Variants in WNT5B observed in about 807,000 individuals in gnomAD.
WNT5B encodes the protein Wnt family member 5B, also known as protein Wnt-5b.
In WNT5B, 18 loss-of-function variants were observed where a neutral mutation model predicts 36.5. The observed-to-expected ratio is 0.49, with a 90% CI of 0.34 to 0.73. The LOEUF (loss-of-function observed/expected upper bound fraction) is 0.73, where lower values mean the gene tolerates loss of function less well. Among genes scored for constraint, WNT5B ranks in the 30% least tolerant of loss-of-function variants. The probability of loss-of-function intolerance (pLI) is 0.01; values close to 1 mark genes in which losing one functional copy is unlikely to be tolerated. For missense variants in WNT5B, 424 were observed against 508.4 expected (o/e 0.83, Z 1.60); for synonymous variants, 213 against 212.3 (o/e 1.00, Z -0.03).
upstream of WNT5B, among the ~76,000 whole-genome samples, chr12:1,627,389 A>G (rs1009018080): frequency 3.9e-5 from 6 of 152,164 alleles, no homozygotes; most frequent in East Asian, 5.8e-4. The surrounding 1 kb of genome is among the most constrained non-coding windows in gnomAD (Gnocchi z 5.0). Context: ...AGTTCTAGAT[A>G]TCAGTGGGTT....
intron 1 of WNT5B, among the ~76,000 whole-genome samples, chr12:1,623,433 G>T (rs1201453894): frequency 3.3e-5 from 5 of 151,848 alleles, no homozygotes; most frequent in Admixed American, 3.3e-4. Flanking sequence ...CTGACCTCGT[G>T]ATCCGCCCGC....
chr12:1,622,190 A>G (rs1440649452), intron 1 of WNT5B, among the ~76,000 whole-genome samples: 1 of 145,194 alleles, frequency 6.9e-6, no homozygotes, highest in Non-Finnish European at 1.5e-5. Context: ...GGCTCACTGC[A>G]AGCTCCGCTT....
upstream of WNT5B, among the ~76,000 whole-genome samples, chr12:1,626,627 C>T (rs28969454): frequency 0.077 from 11,520 of 150,430 alleles, 550 homozygotes; most frequent in Middle Eastern, 0.24. Flanking sequence ...TGCAGTGGCA[C>T]GATCTTGACC....
intron 4 of WNT5B, chr12:1,645,008 A>G (rs1410468511): frequency 1.3e-5 from 2 of 152,126 alleles, no homozygotes; most frequent in Non-Finnish European, 2.9e-5. Context: ...TTGCTCACAA[A>G]TGGATGGTGT....
chr12:1,625,976 TCTC>T (rs1252585929), upstream of WNT5B, among the ~76,000 whole-genome samples: 1 of 137,670 alleles, frequency 7.3e-6, no homozygotes, highest in African/African-American at 2.9e-5. Flanking sequence ...TTTTTTTCTC[TCTC>T]TTTTTTTTTT....
At chr12:1,622,760 G>A (rs912415111) in intron 1 of WNT5B, among the ~76,000 whole-genome samples, 2 of 152,214 alleles carry the variant, frequency 1.3e-5, no homozygotes, top group Non-Finnish European at 2.9e-5. Flanking sequence ...AAATAAGACC[G>A]TTTCCAGAGC....
At chr12:1,628,380 A>G (rs1186968166), upstream of WNT5B, among the ~76,000 whole-genome samples, 1 of 151,904 alleles carries the variant, frequency 6.6e-6, no homozygotes, top group Non-Finnish European at 1.5e-5. Flanking sequence ...CTGGTCTCGA[A>G]CTCCTGACCT....
chr12:1,619,149 C>T (rs956170437), intron 1 of WNT5B, among the ~76,000 whole-genome samples: 6 of 118,470 alleles, frequency 5.1e-5, no homozygotes, highest in Non-Finnish European at 9.8e-5. Flanking sequence ...ACCCCTAAGA[C>T]ATTTCTTCTC....
chr12:1,623,183 TGTTG>T (rs1473814876), intron 1 of WNT5B, among the ~76,000 whole-genome samples: 14 of 132,650 alleles, frequency 1.1e-4, no homozygotes, highest in African/African-American at 4.0e-4. Flanking sequence ...AAGGGTTTTT[TGTTG>T]TTTTTTTTTT....
intron 1 of WNT5B, among the ~76,000 whole-genome samples, chr12:1,624,091 G>A (rs188898715): frequency 1.3e-3 from 197 of 152,194 alleles, no homozygotes; most frequent in African/African-American, 4.5e-3. Context: ...ATGGTGCAAC[G>A]AAGAAAAGAA....
In WNT5B at chr12:1,632,864, C is replaced by T; in HGVS notation, c.287C>T (p.Thr96Ile). Reference protein sequence around the residue: ...QFRQRRWNCSTADNASVFGRV... With the variant: ...QFRQRRWNCSIADNASVFGRV... ...CGGCAGCGGCGGTGGAATTGCAGCACAGCGGACAACGCATCTGTCTTTGGG... is the reference window on the plus strand; with the variant it reads ...CGGCAGCGGCGGTGGAATTGCAGCATAGCGGACAACGCATCTGTCTTTGGG... The change falls in exon 3 of 5, where the codon ACA (threonine) becomes ATA (isoleucine). Residue 96 changes from threonine (T) to isoleucine (I), a missense_variant. By Grantham distance (89) the Thr-to-Ile change is moderately conservative (BLOSUM62 -1). Coordinates refer to ENST00000397196, the MANE Select transcript of WNT5B (RefSeq NM_032642.3). The surrounding 1 kb of genome is among the most constrained non-coding windows in gnomAD (Gnocchi z 5.8). 6.2e-7 allele frequency: 1 copy of T among 1,614,022 alleles called. No individual in the cohort carries two copies. The highest frequency in any genetic ancestry group is 8.5e-7 in the Non-Finnish European group (1 of 1,179,902).
rs2094548504 is a variant in WNT5B, at chr12:1,630,502, C to A, written c.-57-796C>A. 1.3e-5 allele frequency among the ~76,000 whole-genome samples: 2 copies of A among 152,138 alleles called. No homozygotes were observed. The highest frequency in any genetic ancestry group is 6.5e-5 in the Admixed American group (1 of 15,276). On this transcript the variant is annotated intron_variant, in intron 1 of 4. Coordinates refer to ENST00000397196, the MANE Select transcript of WNT5B (RefSeq NM_032642.3). This position sits in a 1 kb window ranked among gnomAD's most constrained non-coding sequence, Gnocchi z 5.3. ...CTGGAAGATGCGTCCTCAGCTCAGG[C>A]ATTTGATGCCAGAGCTGCCGCCTGG...
chr12:1,626,003 G>T (rs1470461374), upstream of WNT5B, among the ~76,000 whole-genome samples: 1 of 144,450 alleles, frequency 6.9e-6, no homozygotes, highest in East Asian at 2.0e-4. Flanking sequence ...TTTTGAGGCA[G>T]GGTCTCAATC....
chr12:1,644,230 A>T lies in WNT5B; in HGVS notation c.622-1564A>T, dbSNP rs2094581162. The stretch of plus-strand genomic sequence containing the variant: ...AGGCCCCATCTTTGAAGTGTCTGTC[A>T]GGATGGGGTGTCAGTTCCTTTATGT... On this transcript the variant is annotated intron_variant, in intron 4 of 4. Transcript: ENST00000397196. The surrounding 1 kb of genome is among the most constrained non-coding windows in gnomAD (Gnocchi z 5.1). Among the ~76,000 whole-genome samples the T allele has an allele frequency of 6.6e-6, 1 of 152,212 alleles. No individual in the cohort carries two copies. The highest frequency in any genetic ancestry group is 1.5e-5 in the Non-Finnish European group (1 of 68,030).
intron 4 of WNT5B, among the ~76,000 whole-genome samples, chr12:1,640,476 C>G (rs988616304): frequency 1.7e-4 from 26 of 152,252 alleles, no homozygotes; most frequent in African/African-American, 6.3e-4. Flanking sequence ...TAATGACAAA[C>G]ACACTTCTGA....
intron 3 of WNT5B, 107 bp from the exon 4 acceptor site, chr12:1,639,577 G>A (rs752649169): frequency 2.9e-5 from 37 of 1,262,116 alleles, no homozygotes; most frequent in Middle Eastern, 4.7e-4. Context: ...TGCCCCAGGG[G>A]TGTCAGCAGA....
In WNT5B at chr12:1,644,400, G is replaced by A. The variant is rs578180778; in HGVS notation, c.622-1394G>A. ...TTCTGAGTCCTTTCTGGGTGGCCTTGGAGGTTAGTGAGCCTCTCTAGAGCT... is the reference window on the plus strand; with the variant it reads ...TTCTGAGTCCTTTCTGGGTGGCCTTAGAGGTTAGTGAGCCTCTCTAGAGCT... On this transcript the variant is annotated intron_variant, in intron 4 of 4. Transcript: ENST00000397196. This position sits in a 1 kb window ranked among gnomAD's most constrained non-coding sequence, Gnocchi z 5.1. 2.1e-3 allele frequency among the ~76,000 whole-genome samples: 319 copies of A among 152,288 alleles called. 2 individuals carry two copies. The highest frequency in any genetic ancestry group is 7.5e-3 in the African/African-American group (310 of 41,556).
intron 1 of WNT5B, 46 bp from the exon 2 acceptor site, chr12:1,631,252 T>TA: frequency 6.5e-7 from 1 of 1,546,856 alleles, no homozygotes; most frequent in Non-Finnish European, 8.8e-7. Context: ...GGTCTGCCCT[T>TA]ATCCGCTGAG....
In WNT5B at chr12:1,639,685, C is replaced by T. The variant is rs2094570393; in HGVS notation, c.330C>T (p.Gly110=). Residue 110 remains glycine, a splice_region_variant and synonymous_variant, in exon 4 of 5, where the codon GGC becomes GGT. Transcript: ENST00000397196. ...TACCGCCCTGGCCTCATTCTGCAGG[C>T]AGCCGAGAGACCGCCTTCACCCACG... The part of the protein sequence containing the change: ...ASVFGRVMQI[G]SRETAFTHAV... 6.5e-7 allele frequency: 1 copy of T among 1,549,382 alleles called. No homozygotes were observed. The highest frequency in any genetic ancestry group is 8.6e-7 in the Non-Finnish European group (1 of 1,156,198).
Sources: gnomAD v4.1 joint callset for allele counts (sites outside exome capture counted in the v4.1 genomes callset) on GRCh38, gnomAD v4.1.1 for gene constraint, Gnocchi (gnomAD v3.1) non-coding constraint, MANE v1.5 for transcripts, NCBI Gene and HGNC (gene_info 2026-07-23, HGNC 2026-07-21) for gene names.